Variants in ARHGEF38 observed in about 807,000 individuals in gnomAD.
The protein encoded by ARHGEF38 is Rho guanine nucleotide exchange factor (GEF) 38.
Under a neutral mutation model 79.9 loss-of-function variants are expected in ARHGEF38, and 79 were observed. That is an observed-to-expected ratio of 0.99 (90% CI 0.82 to 1.19). The LOEUF (loss-of-function observed/expected upper bound fraction) is 1.19. Among genes scored for constraint, ARHGEF38 ranks in the 50% most tolerant of loss-of-function variants. The pLI is 0.00. For missense variants in ARHGEF38, 962 were observed against 907.2 expected, an observed-to-expected ratio of 1.06 and a Z score of -0.78; for synonymous variants, 366 against 328.3, an observed-to-expected ratio of 1.11 and a Z score of -1.24.
At chr4:105,562,656 C>T (rs1279710323) in intron 1 of ARHGEF38, among the ~76,000 whole-genome samples, 3 of 152,094 alleles carry the variant, frequency 2.0e-5, no homozygotes, top group Admixed American at 6.5e-5. Flanking sequence ...ATGACTAGGT[C>T]CTAAGAATGT....
intron 1 of ARHGEF38, chr4:105,570,313 T>C (rs1035831080): frequency 6.6e-5 from 10 of 152,344 alleles, no homozygotes; most frequent in South Asian, 2.1e-4. Context: ...TCAAATATAA[T>C]TGCAGTAATA....
At chr4:105,677,024 C>T (rs1324155553) in intron 13 of ARHGEF38, among the ~76,000 whole-genome samples, 1 of 151,524 alleles carries the variant, frequency 6.6e-6, no homozygotes, top group African/African-American at 2.4e-5. Context: ...AGTGCAGTGG[C>T]GCGATCTCGG....
chr4:105,571,317 T>C (rs1726217013), intron 1 of ARHGEF38, among the ~76,000 whole-genome samples: 3 of 110,696 alleles, frequency 2.7e-5, no homozygotes, highest in Non-Finnish European at 3.3e-5. Context: ...TTTTTTTTCT[T>C]TTTCTTTTTT....
At chr4:105,588,464 G>A (rs1055009816) in intron 1 of ARHGEF38, among the ~76,000 whole-genome samples, 1 of 152,140 alleles carries the variant, frequency 6.6e-6, no homozygotes, top group Non-Finnish European at 1.5e-5. Context: ...TCTGGTTTGT[G>A]GCTTCCAAAA....
At chr4:105,583,359 C>A (rs1359457690) in intron 1 of ARHGEF38, among the ~76,000 whole-genome samples, 1 of 152,166 alleles carries the variant, frequency 6.6e-6, no homozygotes, top group Non-Finnish European at 1.5e-5. Flanking sequence ...GCTGTCCTGT[C>A]CACCAAATCT....
chr4:105,631,761 T>C (rs1578329501), intron 4 of ARHGEF38: 5 of 804,604 alleles, frequency 6.2e-6, no homozygotes, highest in Non-Finnish European at 7.5e-6. Flanking sequence ...TTTGGATTGA[T>C]TCTTTTAAAT....
chr4:105,635,361 C>A (rs17036027), intron 4 of ARHGEF38, among the ~76,000 whole-genome samples: 2 of 151,848 alleles, frequency 1.3e-5, no homozygotes, highest in Non-Finnish European at 2.9e-5. Flanking sequence ...CTCAGATTCC[C>A]TTTCATAAAG....
intron 1 of ARHGEF38, among the ~76,000 whole-genome samples, chr4:105,573,879 C>A (rs1726356366): frequency 6.6e-6 from 1 of 151,936 alleles, no homozygotes; most frequent in Non-Finnish European, 1.5e-5. Context: ...GTATTTATAT[C>A]TTTAATTTCT....
intron 4 of ARHGEF38, chr4:105,633,001 G>T (rs77103676): frequency 0.084 from 12,851 of 152,734 alleles, 585 homozygotes; most frequent in African/African-American, 0.11. Flanking sequence ...ACCTCATGAA[G>T]TCTCAGTTAC....
At chr4:105,682,017 A>G (rs1242859399), downstream of ARHGEF38, among the ~76,000 whole-genome samples, 2 of 152,202 alleles carry the variant, frequency 1.3e-5, no homozygotes, top group Non-Finnish European at 2.9e-5. Context: ...ACCAAGATGA[A>G]TCAAAATTCA....
chr4:105,654,349 G>T (rs757304620), intron 8 of ARHGEF38, among the ~76,000 whole-genome samples, 180 bp downstream of exon 8: 4 of 152,178 alleles, frequency 2.6e-5, no homozygotes, highest in Non-Finnish European at 4.4e-5. Flanking sequence ...GTGTTTTGCT[G>T]TTTGACCTCT....
chr4:105,588,472 A>G (rs1404070287), intron 1 of ARHGEF38, among the ~76,000 whole-genome samples: 2 of 152,188 alleles, frequency 1.3e-5, no homozygotes, highest in Non-Finnish European at 2.9e-5. Context: ...GTGGCTTCCA[A>G]AATTTTACAT....
At position 105,666,235 on chromosome 4, in the gene ARHGEF38, A is replaced by G; in HGVS notation, c.1604A>G (p.Gln535Arg). 1 of 1,535,622 alleles carries G rather than the reference A, an allele frequency of 6.5e-7. No homozygotes were observed. The highest frequency in any genetic ancestry group is 1.4e-5 in the African/African-American group (1 of 73,152). Residue 535 changes from glutamine (Q) to arginine (R), a missense_variant, in exon 11 of 14, where the codon CAA becomes CGA. Gln to Arg is a conservative substitution (Grantham distance 43, BLOSUM62 1). Coordinates refer to ENST00000420470, the MANE Select transcript of ARHGEF38 (RefSeq NM_001242729.2). Reference protein sequence around the residue: ...EIQNQVLEEIQNLNCVKENSA... With the variant: ...EIQNQVLEEIRNLNCVKENSA... The stretch of plus-strand genomic sequence containing the variant: ...CAGAATCAAGTACTAGAAGAGATCC[A>G]AAATTTGAATTGTGTGAAAGAAAAC...
At chr4:105,599,990 T>C (rs1439900198) in intron 2 of ARHGEF38, among the ~76,000 whole-genome samples, 1 of 152,132 alleles carries the variant, frequency 6.6e-6, no homozygotes, top group African/African-American at 2.4e-5. Flanking sequence ...ATAAGTGCAA[T>C]TGGAGTTCAG....
At chr4:105,654,588 C>T (rs1730246812) in intron 8 of ARHGEF38, among the ~76,000 whole-genome samples, 2 of 152,094 alleles carry the variant, frequency 1.3e-5, no homozygotes, top group African/African-American at 2.4e-5. Context: ...CTACAAAATC[C>T]TATTAACTAC....
At chr4:105,636,912 A>G (rs1182378751) in intron 5 of ARHGEF38, among the ~76,000 whole-genome samples, 1 of 152,134 alleles carries the variant, frequency 6.6e-6, no homozygotes, top group Non-Finnish European at 1.5e-5. Flanking sequence ...AAAATGAAAT[A>G]TTAAGGTGAA....
chr4:105,571,827 C>G (rs2110423466), intron 1 of ARHGEF38, among the ~76,000 whole-genome samples: 1 of 152,210 alleles, frequency 6.6e-6, no homozygotes. Flanking sequence ...TGTTGTGACA[C>G]CAAGAGAACA....
At chr4:105,558,501 GGT>G (rs1286456543) in intron 1 of ARHGEF38, among the ~76,000 whole-genome samples, 4 of 152,174 alleles carry the variant, frequency 2.6e-5, no homozygotes, top group African/African-American at 9.7e-5. Flanking sequence ...AGTACAAACA[GGT>G]GTGTGTCATA....
chr4:105,642,294 A>G (rs1343134827), intron 5 of ARHGEF38, among the ~76,000 whole-genome samples: 1 of 152,188 alleles, frequency 6.6e-6, no homozygotes, highest in Non-Finnish European at 1.5e-5. Context: ...TCTCAAGTAT[A>G]TCTCCAGACA....
Sources: gnomAD v4.1 joint callset for allele counts (sites outside exome capture counted in the v4.1 genomes callset) on GRCh38, gnomAD v4.1.1 for gene constraint, MANE v1.5 for transcripts, NCBI Gene and HGNC (gene_info 2026-07-23, HGNC 2026-07-21) for gene names.